Variants in TRAF3 observed in about 807,000 individuals in gnomAD.
The protein encoded by TRAF3 is TNF receptor-associated factor 3.
A neutral mutation model predicts 62.3 loss-of-function variants in TRAF3; 13 were observed. That is an observed-to-expected ratio of 0.21 (90% CI 0.14 to 0.33). The LOEUF (loss-of-function observed/expected upper bound fraction) is 0.33. Among genes scored for constraint, TRAF3 ranks in the 10% least tolerant of loss-of-function variants. TRAF3 has a pLI of 1.00. For missense variants in TRAF3, 440 were observed against 741.8 expected, an observed-to-expected ratio of 0.59 and a Z score of 4.73; for synonymous variants, 269 against 283.4, an observed-to-expected ratio of 0.95 and a Z score of 0.51.
In TRAF3 at chr14:102,808,528, GAAA is replaced by G. The variant is rs1898914328; in HGVS notation, c.-156-21804_-156-21802del. On this transcript the variant is annotated intron_variant, in intron 1 of 11. Transcript: ENST00000392745. The stretch of plus-strand genomic sequence containing the variant: ...ACTCCATCTCAAAAAAAAAAAAAAA[GAAA>G]AGAAGAACCATACTAGTCAGGTGCT... 1.6e-4 allele frequency among the ~76,000 whole-genome samples: 22 copies of G among 139,744 alleles called. No individual in the cohort carries two copies. The South Asian group carries it at 4.9e-3, about 31-fold the overall frequency. The allele number at this position is 139,744 out of a possible 152,430, so 91.7% of individuals were successfully genotyped here.
chr14:102,888,400 G>A (rs1222916606), intron 7 of TRAF3, among the ~76,000 whole-genome samples: 1 of 152,146 alleles, frequency 6.6e-6, no homozygotes, highest in Non-Finnish European at 1.5e-5. Flanking sequence ...TGGCCGCATG[G>A]GCCCCTCAGT....
Position 102,863,390 on chromosome 14 carries a change from G to A in TRAF3, c.-17-6795G>A, listed in dbSNP as rs556508070. ...GTTCCATTAATATAGTGGTCAGCTT[G>A]TGATTAGACAGAGATTTAAGCGCCT... is the stretch of plus-strand genomic sequence containing the variant. On this transcript the variant is annotated intron_variant, in intron 2 of 11. Coordinates refer to ENST00000392745, the MANE Select transcript of TRAF3 (RefSeq NM_145725.3). Among the ~76,000 whole-genome samples, 7 of 152,304 alleles carry A rather than the reference G, an allele frequency of 4.6e-5. No homozygotes were observed. The South Asian group carries it at 6.2e-4, about 14-fold the overall frequency.
chr14:102,908,799 C>T lies in TRAF3; in HGVS notation c.*3015C>T, dbSNP rs1193587409. ...AACAAAACAACGTCCCCTCTCCCCT[C>T]GCCTCGAGCAGTTTCTTCAGGACAC... On this transcript the variant is annotated 3_prime_UTR_variant, in exon 12 of 12. Coordinates refer to ENST00000392745, the MANE Select transcript of TRAF3 (RefSeq NM_145725.3). The T allele has an allele frequency of 2.6e-5, 4 of 152,338 alleles. No individual in the cohort carries two copies. Among genetic ancestry groups the T allele is most frequent in the Admixed American group, 6.5e-5 (1 of 15,290 alleles). 9.4% of individuals were successfully genotyped at this position (152,338 alleles called of 1,614,324 possible).
At chr14:102,784,018 G>C (rs1483683326) in intron 1 of TRAF3, among the ~76,000 whole-genome samples, 1 of 152,288 alleles carries the variant, frequency 6.6e-6, no homozygotes, top group Non-Finnish European at 1.5e-5. Context: ...GTAAATATCA[G>C]ATCTTGTTAG....
At position 102,889,625 on chromosome 14, in the gene TRAF3, C is replaced by T. The variant is rs1889596742; in HGVS notation, c.717C>T (p.Cys239=). 3.1e-6 allele frequency: 5 copies of T among 1,614,166 alleles called. No individual in the cohort carries two copies. Among genetic ancestry groups the T allele is most frequent in the Non-Finnish European group, 3.4e-6 (4 of 1,180,024 alleles). ...PSTCSFKRYG[C]VFQGTNQQIK... ...CCTGTAGTTTTAAGCGCTATGGCTG[C>T]GTTTTTCAGGTCAGTATCCGACATT... is the stretch of plus-strand genomic sequence containing the variant. Residue 239 remains cysteine, a synonymous_variant, in exon 8 of 12, where the codon TGC becomes TGT. Transcript: ENST00000392745.
At chr14:102,838,371 C>T (rs1886156854) in intron 2 of TRAF3, among the ~76,000 whole-genome samples, 2 of 151,784 alleles carry the variant, frequency 1.3e-5, no homozygotes, top group Non-Finnish European at 2.9e-5. Flanking sequence ...TGATGGGTGT[C>T]CTTACAGGAC....
chr14:102,781,192 TG>T (rs1245617641), intron 1 of TRAF3, among the ~76,000 whole-genome samples: 1 of 152,174 alleles, frequency 6.6e-6, no homozygotes, highest in African/African-American at 2.4e-5. Flanking sequence ...CCTCCCACTT[TG>T]TTTTGGTAAG....
chr14:102,886,275 G>T lies in TRAF3; in HGVS notation c.651+6G>T, dbSNP rs1050136745. On this transcript the variant is annotated splice_donor_region_variant and intron_variant, in intron 7 of 11. Transcript: ENST00000392745. ...AGACTCTCCTGAGGAGCGAGGTAGG[G>T]GCGGCCGGGCCCGGCCGGGAGTCTG... The T allele has an allele frequency of 1.2e-6, 2 of 1,608,380 alleles. No individual in the cohort carries two copies. Among genetic ancestry groups the T allele is most frequent in the African/African-American group, 1.3e-5 (1 of 74,792 alleles).
chr14:102,813,441 T>TTC (rs1899320564), intron 1 of TRAF3, among the ~76,000 whole-genome samples: 1 of 149,674 alleles, frequency 6.7e-6, no homozygotes, highest in Non-Finnish European at 1.5e-5. Context: ...CCCGGCTTTT[T>TTC]TCTTTTCTTT....
At chr14:102,872,059 A>G in intron 4 of TRAF3, 91 bp downstream of exon 4, 1 of 1,374,146 alleles carries the variant, frequency 7.3e-7, no homozygotes, top group Non-Finnish European at 1.0e-6. Context: ...CTGGCACAAC[A>G]CATTCTCTCA....
chr14:102,892,297 A>G (rs374559811), intron 9 of TRAF3, among the ~76,000 whole-genome samples: 1 of 152,134 alleles, frequency 6.6e-6, no homozygotes, highest in Non-Finnish European at 1.5e-5. Context: ...ACCTCAGGTG[A>G]TCTGCCCACC....
rs762919542 is a variant in TRAF3, at chr14:102,903,337, A to G, written c.1043A>G (p.Asp348Gly). ...RPFRQNWEEA[D>G]SMKSSVESLQ... is the part of the protein sequence containing the mutation. ...TTCCGGCAGAACTGGGAGGAAGCAG[A>G]CAGCATGAAGAGCAGCGTGGAGTCC... Residue 348 changes from aspartate to glycine, a missense_variant, in exon 11 of 12, where the codon GAC (aspartate) becomes GGC (glycine). This residue lies in a region of TRAF3 where 255 missense variants were observed against 424.1 expected (regional missense o/e 0.60). Transcript: ENST00000392745. The surrounding 1 kb of genome is among the most constrained non-coding windows in gnomAD (Gnocchi z 6.4). 1 of 1,614,236 alleles carries G rather than the reference A, an allele frequency of 6.2e-7. No individual in the cohort carries two copies. Among genetic ancestry groups the G allele is most frequent in the South Asian group, 1.1e-5 (1 of 91,086 alleles).
intron 2 of TRAF3, among the ~76,000 whole-genome samples, chr14:102,859,662 C>T (rs1887572565): frequency 6.6e-6 from 1 of 152,208 alleles, no homozygotes; most frequent in Admixed American, 6.5e-5. Flanking sequence ...AATTAAAAGG[C>T]ATTACGCTTT....
intron 2 of TRAF3, among the ~76,000 whole-genome samples, chr14:102,853,072 T>C (rs1887142714): frequency 6.6e-6 from 1 of 152,082 alleles, no homozygotes; most frequent in Non-Finnish European, 1.5e-5. Flanking sequence ...CGGCTAATTT[T>C]TGTATTTTTA....
At chr14:102,786,623 G>A (rs993497397) in intron 1 of TRAF3, among the ~76,000 whole-genome samples, 1 of 152,082 alleles carries the variant, frequency 6.6e-6, no homozygotes, top group Non-Finnish European at 1.5e-5. Flanking sequence ...GGAGGCAGAG[G>A]TTGCAGTGAG....
intron 1 of TRAF3, among the ~76,000 whole-genome samples, chr14:102,796,624 G>A (rs1281621749): frequency 6.6e-6 from 1 of 152,196 alleles, no homozygotes; most frequent in Non-Finnish European, 1.5e-5. Context: ...GGTTGTGAGA[G>A]CAGGGGAAAA....
Position 102,905,387 on chromosome 14 carries a change from C to T in TRAF3, c.1310C>T (p.Thr437Ile). 1 of 1,614,230 alleles carries T rather than the reference C, an allele frequency of 6.2e-7. No homozygotes were observed. Among genetic ancestry groups the T allele is most frequent in the Non-Finnish European group, 8.5e-7 (1 of 1,180,046 alleles). The change falls in exon 12 of 12, where the codon ACC (threonine) becomes ATC (isoleucine). Residue 437 changes from threonine to isoleucine, a missense_variant. Physicochemically the swap from Thr to Ile is moderately conservative, Grantham distance 89 (BLOSUM62 -1). Transcript: ENST00000392745. ...RRKQEAVMGK[T>I]LSLYSQPFYT... ...AAGCAGGAGGCCGTCATGGGGAAGA[C>T]CCTGTCCCTTTACAGCCAGCCTTTC...
At chr14:102,792,357 C>T (rs2139418116) in intron 1 of TRAF3, among the ~76,000 whole-genome samples, 1 of 151,464 alleles carries the variant, frequency 6.6e-6, no homozygotes, top group Non-Finnish European at 1.5e-5. Flanking sequence ...AAATTCCTCA[C>T]CTTGAGCAGT....
At chr14:102,819,007 A>T (rs894770944) in intron 1 of TRAF3, among the ~76,000 whole-genome samples, 2 of 151,834 alleles carry the variant, frequency 1.3e-5, no homozygotes, top group Admixed American at 1.3e-4. Context: ...GTGAGCTGTG[A>T]TCATGCCACT....
Sources: allele counts gnomAD v4.1 joint callset (sites outside exome capture counted in the v4.1 genomes callset), GRCh38; gene constraint gnomAD v4.1.1; regional missense constraint gnomAD v4.1.1; non-coding constraint Gnocchi (gnomAD v3.1); transcripts MANE v1.5; gene names NCBI Gene and HGNC (gene_info 2026-07-23, HGNC 2026-07-21).